The following CLASP2 variants were observed in gnomAD, a reference collection of about 807,000 sequenced individuals.
The protein encoded by CLASP2 is CLIP-associating protein 2.
CLASP2 carries 47 observed loss-of-function variants against 194.4 expected under a neutral mutation model. The observed-to-expected ratio is 0.24, with a 90% CI of 0.19 to 0.31. The LOEUF (loss-of-function observed/expected upper bound fraction) is 0.31. Among genes scored for constraint, CLASP2 ranks in the 10% least tolerant of loss-of-function variants. The pLI is 1.00. For missense variants in CLASP2, 1,445 were observed against 1,823.6 expected, an observed-to-expected ratio of 0.79 and a Z score of 3.78; for synonymous variants, 619 against 633.5, an observed-to-expected ratio of 0.98 and a Z score of 0.34.
At chr3:33,653,963 T>C (rs1364890758) in intron 7 of CLASP2, among the ~76,000 whole-genome samples, 1 of 150,144 alleles carries the variant, frequency 6.7e-6, no homozygotes, top group Non-Finnish European at 1.5e-5. Context: ...GAAATCAGCA[T>C]CTAAAAAATC....
At chr3:33,700,716 G>A (rs2092317548) in intron 1 of CLASP2, among the ~76,000 whole-genome samples, 1 of 152,046 alleles carries the variant, frequency 6.6e-6, no homozygotes, top group South Asian at 2.1e-4. Flanking sequence ...CAGGTGTGGT[G>A]GTGGGTGCCT....
chr3:33,549,778 A>G (rs1431321972), intron 30 of CLASP2, among the ~76,000 whole-genome samples: 1 of 149,646 alleles, frequency 6.7e-6, no homozygotes, highest in Non-Finnish European at 1.5e-5. Context: ...TCACTCTGTC[A>G]CCCAGGCTGG....
chr3:33,565,227 G>A (rs1296789611), intron 27 of CLASP2, among the ~76,000 whole-genome samples: 1 of 152,212 alleles, frequency 6.6e-6, no homozygotes, highest in African/African-American at 2.4e-5. Flanking sequence ...CACCCAGGGT[G>A]GAGTGCACTG....
In CLASP2 at chr3:33,687,057, T is replaced by C. The variant is rs906867766; in HGVS notation, c.546+3A>G. ...CAATGCTTGAATGTAAATAAAATTT[T>C]ACCTGACTGTTGGAGTCTCCAAACA... On this transcript the variant is annotated splice_donor_region_variant and intron_variant, in intron 5 of 38. Coordinates refer to ENST00000682230, the MANE Select transcript of CLASP2 (RefSeq NM_001365631.1). The C allele has an allele frequency of 1.9e-6, 3 of 1,554,104 alleles. No individual in the cohort carries two copies. The highest frequency in any genetic ancestry group is 2.6e-6 in the Non-Finnish European group (3 of 1,145,836).
chr3:33,604,226 A>G lies in CLASP2; in HGVS notation c.1695-17T>C. The G allele has an allele frequency of 6.5e-7, 1 of 1,541,040 alleles. No homozygotes were observed. Among genetic ancestry groups the G allele is most frequent in the South Asian group, 1.2e-5 (1 of 83,314 alleles). ...AAAGGGCGACTGCAAAGTATAAAAA[A>G]TGCTTTTAGTAAGAAGACAATTTAA... On this transcript the variant is annotated splice_polypyrimidine_tract_variant and intron_variant, in intron 16 of 38. Transcript: ENST00000682230.
chr3:33,631,334 A>G (rs371477048), intron 9 of CLASP2, among the ~76,000 whole-genome samples: 2 of 152,200 alleles, frequency 1.3e-5, no homozygotes, highest in East Asian at 3.8e-4. Context: ...ATAACTATGA[A>G]ATTCTACTCC....
chr3:33,608,800 T>C (rs1419199306), intron 13 of CLASP2, among the ~76,000 whole-genome samples, 174 bp from the exon 14 acceptor site: 1 of 143,320 alleles, frequency 7.0e-6, no homozygotes, highest in Non-Finnish European at 1.5e-5. Context: ...TTGCCCAGGC[T>C]GGAGTGCAGT....
rs554216406 is a variant in CLASP2 at position 33,691,288 on chromosome 3, T to A, written c.275-1356A>T. 2.6e-5 allele frequency among the ~76,000 whole-genome samples: 4 copies of A among 152,266 alleles called. No homozygotes were observed. The South Asian group carries it at 8.3e-4, about 32-fold the overall frequency. ...AACAAGGGAAGGAGAAAGAAACAGA[T>A]CAAGAAAAATATTTCCCTGGTTTAT... On this transcript the variant is annotated intron_variant, in intron 2 of 38. Coordinates refer to ENST00000682230, the MANE Select transcript of CLASP2 (RefSeq NM_001365631.1).
intron 34 of CLASP2, among the ~76,000 whole-genome samples, chr3:33,532,367 G>A (rs574565437): frequency 4.6e-5 from 7 of 152,282 alleles, no homozygotes; most frequent in Admixed American, 4.6e-4. Context: ...GGGCTGGAGT[G>A]GGGGTGGAAT....
Position 33,619,748 on chromosome 3 carries a change from A to G in CLASP2, c.1182-10T>C. On this transcript the variant is annotated splice_polypyrimidine_tract_variant and intron_variant, in intron 11 of 38. Transcript: ENST00000682230. Reference sequence around the variant, plus strand: ...AACTGTTGAAAGGTGGCTACAAAGGAAGACAAAAAGTATTTTTTAATAGTT... The same window carrying G: ...AACTGTTGAAAGGTGGCTACAAAGGGAGACAAAAAGTATTTTTTAATAGTT... The G allele has an allele frequency of 6.4e-7, 1 of 1,567,554 alleles. No homozygotes were observed. The highest frequency in any genetic ancestry group is 8.6e-7 in the Non-Finnish European group (1 of 1,158,904).
At chr3:33,573,480 G>T (rs2064187564) in intron 24 of CLASP2, 126 bp from the exon 25 acceptor site, 4 of 945,958 alleles carry the variant, frequency 4.2e-6, no homozygotes, top group Non-Finnish European at 6.6e-6. Flanking sequence ...CCTAATCATT[G>T]TAATAACAGA....
chr3:33,548,570 C>T (rs1176633330), intron 30 of CLASP2, among the ~76,000 whole-genome samples: 1 of 152,156 alleles, frequency 6.6e-6, no homozygotes, highest in Non-Finnish European at 1.5e-5. Context: ...GCTGGAATTA[C>T]AGGCGTTAGC....
At chr3:33,533,325 T>C (rs906052174) in intron 34 of CLASP2, among the ~76,000 whole-genome samples, 14 of 152,212 alleles carry the variant, frequency 9.2e-5, no homozygotes, top group African/African-American at 3.4e-4. Flanking sequence ...ATTTTCTACA[T>C]CCTTATGCAA....
intron 1 of CLASP2, among the ~76,000 whole-genome samples, chr3:33,713,643 T>A (rs780467179): frequency 6.6e-6 from 1 of 152,026 alleles, no homozygotes; most frequent in Non-Finnish European, 1.5e-5. Context: ...CACACAGCCC[T>A]GCACTACATA....
At chr3:33,709,397 G>A (rs992470334) in intron 1 of CLASP2, among the ~76,000 whole-genome samples, 3 of 151,860 alleles carry the variant, frequency 2.0e-5, no homozygotes, top group African/African-American at 7.3e-5. Flanking sequence ...TGTATTCTTG[G>A]TGTCTTTGTC....
At chr3:33,715,267 C>G (rs2125443791) in intron 1 of CLASP2, among the ~76,000 whole-genome samples, 1 of 152,342 alleles carries the variant, frequency 6.6e-6, no homozygotes, top group South Asian at 2.1e-4. Flanking sequence ...CTGTCTACCT[C>G]TTTCTAATGC....
rs1010831370 is a variant in CLASP2 at position 33,688,316 on chromosome 3, C to T, written c.431G>A (p.Arg144Gln). 19 of 1,592,778 alleles carry T rather than the reference C, an allele frequency of 1.2e-5. No homozygotes were observed. Among genetic ancestry groups the T allele is most frequent in the East Asian group, 2.3e-5 (1 of 44,240 alleles). The change falls in exon 4 of 39, where the codon CGA becomes CAA. Residue 144 changes from arginine (R) to glutamine (Q), a missense_variant. Physicochemically the swap from Arg to Gln is conservative, Grantham distance 43. This residue lies in a region of CLASP2 where 332 missense variants were observed against 325.3 expected (regional missense o/e 1.02). Coordinates refer to ENST00000682230, the MANE Select transcript of CLASP2 (RefSeq NM_001365631.1). ...SGFKHKNFRS[R>Q]EGVCLCLIET... ...AATAAGACACAGACACACGCCTTCTCGAGATCGAAAATTCTTGTGTTTAAA... is the reference window on the plus strand; with the variant it reads ...AATAAGACACAGACACACGCCTTCTTGAGATCGAAAATTCTTGTGTTTAAA...
At chr3:33,678,914 A>C (rs2089316341) in intron 6 of CLASP2, among the ~76,000 whole-genome samples, 1 of 152,216 alleles carries the variant, frequency 6.6e-6, no homozygotes, top group Non-Finnish European at 1.5e-5. Flanking sequence ...ATAACAACAA[A>C]ACAATTTTAA....
chr3:33,510,693 C>T lies in CLASP2; in HGVS notation c.4182G>A (p.Val1394=). 1 of 1,613,594 alleles carries T rather than the reference C, an allele frequency of 6.2e-7. No individual in the cohort carries two copies. The highest frequency in any genetic ancestry group is 8.5e-7 in the Non-Finnish European group (1 of 1,179,740). The change falls in exon 37 of 39, where the codon GTG becomes GTA. Residue 1394 remains valine (V), a synonymous_variant. Transcript: ENST00000682230. ...TSISPEQCIK[V]LCPIIQTADY... Reference sequence around the variant, plus strand: ...CTGCAGTTTGAATGATAGGACAAAGCACTTTGATGCACTGCTCTGGACTAA... The same window carrying T: ...CTGCAGTTTGAATGATAGGACAAAGTACTTTGATGCACTGCTCTGGACTAA...
Sources: allele counts gnomAD v4.1 joint callset (sites outside exome capture counted in the v4.1 genomes callset), GRCh38; gene constraint gnomAD v4.1.1; regional missense constraint gnomAD v4.1.1; transcripts MANE v1.5; gene names NCBI Gene and HGNC (gene_info 2026-07-23, HGNC 2026-07-21).